The following RBMS3 variants were observed in gnomAD, a reference collection of about 807,000 sequenced individuals.
RBMS3 encodes RNA binding motif single stranded interacting protein 3.
A neutral mutation model predicts 66.8 loss-of-function variants in RBMS3; 27 were observed. The ratio of observed to expected loss-of-function variants is 0.40; its 90% CI spans 0.30 to 0.56. The LOEUF is 0.56. RBMS3 is among the 20% of genes least tolerant of loss of function. The pLI, the probability that RBMS3 is intolerant of heterozygous loss-of-function variation, is 0.40. For missense variants in RBMS3, 513 were observed against 549.5 expected, an observed-to-expected ratio of 0.93 and a Z score of 0.66; for synonymous variants, 188 against 183.0, an observed-to-expected ratio of 1.03 and a Z score of -0.22.
intron 3 of RBMS3, among the ~76,000 whole-genome samples, chr3:29,573,605 T>A (rs994310378): frequency 9.2e-5 from 14 of 152,162 alleles, no homozygotes; most frequent in African/African-American, 3.4e-4. Flanking sequence ...TCTTCTAACT[T>A]TGCGTTTAAA....
intron 1 of RBMS3, among the ~76,000 whole-genome samples, chr3:29,358,081 T>A (rs1211540385): frequency 6.6e-6 from 1 of 152,226 alleles, no homozygotes; most frequent in East Asian, 1.9e-4. Context: ...TGGCTTTTGT[T>A]GCTATTGCTT....
At chr3:29,725,690 C>T (rs144980084) in intron 4 of RBMS3, among the ~76,000 whole-genome samples, 1,555 of 152,182 alleles carry the variant, frequency 0.01, 30 homozygotes, top group African/African-American at 0.036. Flanking sequence ...AGACCAATAA[C>T]AAGTTCTGAA....
At position 29,336,560 on chromosome 3, in the gene RBMS3, T is replaced by C. The variant is rs183192928; in HGVS notation, c.75+54804T>C. ...ATTGCGGAACGAAAGGATTACTTTA[T>C]AGGAAAGCTGGGCCCCTGTAAGAAC... On this transcript the variant is annotated intron_variant, in intron 1 of 14. Transcript: ENST00000383767. Among the ~76,000 whole-genome samples, 11 of 152,296 alleles carry C rather than the reference T, an allele frequency of 7.2e-5. No individual in the cohort carries two copies. The East Asian group carries it at 2.1e-3, about 29-fold the overall frequency.
chr3:29,673,961 T>A (rs574182131), intron 4 of RBMS3, among the ~76,000 whole-genome samples: 1 of 152,270 alleles, frequency 6.6e-6, no homozygotes, highest in South Asian at 2.1e-4. Context: ...AAAAGAGAAT[T>A]TTAGATCAAT....
At chr3:29,880,842 C>T (rs13324314) in intron 7 of RBMS3, 387,836 of 1,527,256 alleles carry the variant, frequency 0.25, 50,998 homozygotes, top group Admixed American at 0.32. Flanking sequence ...TATTCATTCC[C>T]GACCCTTTTG....
chr3:29,819,874 TG>T (rs1321324533), intron 6 of RBMS3, among the ~76,000 whole-genome samples: 1 of 152,172 alleles, frequency 6.6e-6, no homozygotes, highest in Non-Finnish European at 1.5e-5. Flanking sequence ...TCGAAGCCAC[TG>T]TTTTTATAAT....
intron 3 of RBMS3, among the ~76,000 whole-genome samples, chr3:29,546,022 A>G (rs1203471566): frequency 1.3e-5 from 2 of 152,178 alleles, no homozygotes; most frequent in Admixed American, 6.5e-5. Context: ...TTTCCAGAAT[A>G]AAACGCTGAC....
At chr3:29,594,132 G>A (rs1220905596) in intron 4 of RBMS3, among the ~76,000 whole-genome samples, 2 of 152,110 alleles carry the variant, frequency 1.3e-5, no homozygotes, top group East Asian at 1.9e-4. Flanking sequence ...TAGTGAGATA[G>A]CATCTTTGGG....
At chr3:29,930,246 G>A (rs1267904794) in intron 10 of RBMS3, among the ~76,000 whole-genome samples, 1 of 149,870 alleles carries the variant, frequency 6.7e-6, no homozygotes, top group Non-Finnish European at 1.5e-5. Flanking sequence ...GAAGTAGCTG[G>A]GACTACAGGC....
chr3:29,292,689 AC>A (rs1244141667), intron 1 of RBMS3, among the ~76,000 whole-genome samples: 2 of 151,846 alleles, frequency 1.3e-5, no homozygotes, highest in Admixed American at 6.6e-5. Context: ...AAAAAAGATG[AC>A]AGTTCTACAA....
At chr3:29,376,541 C>T (rs759407795) in intron 1 of RBMS3, among the ~76,000 whole-genome samples, 6 of 150,700 alleles carry the variant, frequency 4.0e-5, no homozygotes, top group Non-Finnish European at 5.9e-5. Flanking sequence ...GAGACTGAGG[C>T]GGGTGGATCA....
chr3:29,428,183 C>T (rs1048715806), intron 1 of RBMS3, among the ~76,000 whole-genome samples: 5 of 151,992 alleles, frequency 3.3e-5, no homozygotes, highest in Non-Finnish European at 7.4e-5. Flanking sequence ...TCTGGATCTA[C>T]TTAAAATAGT....
chr3:29,821,968 A>G (rs1023664586), intron 6 of RBMS3, among the ~76,000 whole-genome samples: 1 of 152,206 alleles, frequency 6.6e-6, no homozygotes. Context: ...TCAAAATTCA[A>G]CTAAGTCACT....
intron 3 of RBMS3, among the ~76,000 whole-genome samples, chr3:29,542,945 T>C (rs974417442): frequency 1.3e-5 from 2 of 152,122 alleles, no homozygotes; most frequent in South Asian, 4.1e-4. Flanking sequence ...TCAGAAGCAA[T>C]GCAAATATTT....
intron 6 of RBMS3, among the ~76,000 whole-genome samples, chr3:29,861,707 C>G (rs1407805726): frequency 3.9e-5 from 6 of 152,090 alleles, no homozygotes; most frequent in Non-Finnish European, 8.8e-5. Flanking sequence ...CTTAAAACAC[C>G]AAATCCTATA....
chr3:29,423,297 A>G (rs976507101), intron 1 of RBMS3, among the ~76,000 whole-genome samples: 10 of 152,200 alleles, frequency 6.6e-5, no homozygotes, highest in Non-Finnish European at 1.3e-4. Context: ...GCAATTTTAC[A>G]ATTTAGATGA....
At chr3:29,628,946 A>G (rs191404670) in intron 4 of RBMS3, among the ~76,000 whole-genome samples, 72 of 152,168 alleles carry the variant, frequency 4.7e-4, no homozygotes, top group African/African-American at 1.6e-3. Context: ...CAGCTGTGTC[A>G]TCAAGACCAT....
In RBMS3 at chr3:29,805,931, G is replaced by T. The variant is rs148300629; in HGVS notation, c.637+42942G>T. Among the ~76,000 whole-genome samples the T allele has an allele frequency of 5.8e-4, 88 of 152,016 alleles. 1 individual carries two copies. In the Middle Eastern group the frequency reaches 0.017, roughly 29 times the overall value. ...CACCACGCACTCACTGACTAACCTG[G>T]AACAACTTTCAGTTTTGCAAGCTGC... On this transcript the variant is annotated intron_variant, in intron 6 of 14. Coordinates refer to ENST00000383767, the MANE Select transcript of RBMS3 (RefSeq NM_001003793.3).
intron 12 of RBMS3, among the ~76,000 whole-genome samples, chr3:29,952,368 G>A (rs550504453): frequency 2.4e-4 from 37 of 151,790 alleles, no homozygotes; most frequent in African/African-American, 5.8e-4. Context: ...GCCACTTTTC[G>A]TATTGAAATC....
Sources: gnomAD v4.1 joint callset for allele counts (sites outside exome capture counted in the v4.1 genomes callset) on GRCh38, gnomAD v4.1.1 for gene constraint, MANE v1.5 for transcripts, NCBI Gene and HGNC (gene_info 2026-07-23, HGNC 2026-07-21) for gene names.